The following SLC22A3 variants were observed in gnomAD, a reference collection of about 807,000 sequenced individuals.
SLC22A3 encodes the protein solute carrier family 22 member 3, also known as EMT organic cation transporter 3.
Under a neutral mutation model 59.1 loss-of-function variants are expected in SLC22A3, and 51 were observed. That is an observed-to-expected ratio of 0.86 (90% CI 0.69 to 1.09). SLC22A3 has a LOEUF of 1.09. SLC22A3 is among the 50% of genes least tolerant of loss of function. The pLI, the probability that SLC22A3 is intolerant of heterozygous loss-of-function variation, is 0.00. For synonymous variants in SLC22A3, 325 were observed against 292.0 expected (o/e 1.11, Z -1.15); for missense variants, 711 against 726.3 (o/e 0.98, Z 0.24).
chr6:160,408,970 T>C (rs2114856143), intron 4 of SLC22A3, 49 bp downstream of exon 4: 7 of 1,538,378 alleles, frequency 4.6e-6, no homozygotes, highest in Non-Finnish European at 6.3e-6. Context: ...CTGCAGAAAT[T>C]AGACTCCAAA....
rs1788342460 is a variant in SLC22A3, at chr6:160,436,645, G to A, written c.976-135G>A. ...ATGCAAGAGCAGAAGTGTTTTAATTGTCAGGTTTTAAGATATTATGAAAGC... is the reference window on the plus strand; with the variant it reads ...ATGCAAGAGCAGAAGTGTTTTAATTATCAGGTTTTAAGATATTATGAAAGC... On this transcript the variant is annotated intron_variant, in intron 5 of 10. Coordinates refer to ENST00000275300, the MANE Select transcript of SLC22A3 (RefSeq NM_021977.4). The A allele has an allele frequency of 7.6e-6, 5 of 656,404 alleles. No homozygotes were observed. The East Asian group carries it at 1.4e-4, about 18-fold the overall frequency. 40.7% of individuals were successfully genotyped at this position (656,404 alleles called of 1,614,324 possible).
chr6:160,410,692 C>A, intron 4 of SLC22A3, 37 bp from the exon 5 acceptor site: 1 of 1,329,482 alleles, frequency 7.5e-7, no homozygotes, highest in Non-Finnish European at 1.1e-6. Context: ...GTTTGAAATT[C>A]CTAGACATAA....
chr6:160,450,157 G>A (rs1287776247), intron 10 of SLC22A3, among the ~76,000 whole-genome samples: 1 of 152,180 alleles, frequency 6.6e-6, no homozygotes, highest in East Asian at 1.9e-4. Context: ...TGAGGGTACT[G>A]CAGGAGGCCA....
intron 5 of SLC22A3, among the ~76,000 whole-genome samples, chr6:160,426,844 C>G (rs1253005619): frequency 6.6e-6 from 1 of 152,166 alleles, no homozygotes; most frequent in East Asian, 1.9e-4. Flanking sequence ...CCCTTGGGTC[C>G]TGGTGTGCAG....
chr6:160,444,959 C>A (rs1788686694), intron 9 of SLC22A3, among the ~76,000 whole-genome samples: 1 of 152,202 alleles, frequency 6.6e-6, no homozygotes, highest in Non-Finnish European at 1.5e-5. Context: ...AGTGTTAATT[C>A]TGTGGTCAGC....
At chr6:160,403,752 A>G (rs1786886902) in intron 2 of SLC22A3, among the ~76,000 whole-genome samples, 1 of 140,536 alleles carries the variant, frequency 7.1e-6, no homozygotes, top group South Asian at 2.4e-4. Context: ...AAACTGGTTC[A>G]GCATTCTAAA....
At chr6:160,348,994 A>G (rs1304896869) in intron 1 of SLC22A3, 146 bp downstream of exon 1, 4 of 1,502,098 alleles carry the variant, frequency 2.7e-6, no homozygotes, top group Non-Finnish European at 3.5e-6. Flanking sequence ...GACAGGATTC[A>G]GCGCACCCTT....
At chr6:160,373,579 C>T (rs569563815) in intron 1 of SLC22A3, among the ~76,000 whole-genome samples, 11 of 152,238 alleles carry the variant, frequency 7.2e-5, no homozygotes, top group East Asian at 5.8e-4. Flanking sequence ...CAGGCAGGAA[C>T]GTTTAAGTCT....
At chr6:160,396,974 C>A (rs1020645217) in intron 1 of SLC22A3, among the ~76,000 whole-genome samples, 3 of 151,836 alleles carry the variant, frequency 2.0e-5, no homozygotes, top group African/African-American at 7.3e-5. Flanking sequence ...AATAAGAGCT[C>A]AAAGAGAAAA....
rs199817918 is a variant in SLC22A3, at chr6:160,442,863, C to G, written c.1391C>G (p.Thr464Arg). The G allele has an allele frequency of 1.1e-5, 17 of 1,607,138 alleles. No homozygotes were observed. The highest frequency in any genetic ancestry group is 8.5e-7 in the Non-Finnish European group (1 of 1,173,620). The change falls in exon 8 of 11, where the codon ACA becomes AGA. Residue 464 changes from threonine (T) to arginine (R), a missense_variant. Physicochemically the swap from Thr to Arg is moderately conservative, Grantham distance 71. Transcript: ENST00000275300. ...YLVNSELYPT[T>R]LRNFGVSLCS... ...GTAAATTCAGAATTGTACCCAACAA[C>G]ATTACGGTAATTCTAACAAACGTTA...
intron 5 of SLC22A3, 75 bp from the exon 6 acceptor site, chr6:160,436,705 T>C: frequency 1.1e-6 from 1 of 904,536 alleles, no homozygotes; most frequent in East Asian, 2.5e-5. Context: ...TTGATTCTGG[T>C]TAATGACAAG....
rs375134198 is a variant in SLC22A3 at position 160,353,065 on chromosome 6, C to T, written c.429+4217C>T. 9.8e-4 allele frequency among the ~76,000 whole-genome samples: 149 copies of T among 152,242 alleles called. 2 individuals are homozygous for T. The South Asian group carries it at 0.03, about 30-fold the overall frequency. ...CAGGCGATCTGCTTGCCTAGGCCTCCGAAAGTGCTGGGATTACAGGCATGA... is the reference window on the plus strand; with the variant it reads ...CAGGCGATCTGCTTGCCTAGGCCTCTGAAAGTGCTGGGATTACAGGCATGA... On this transcript the variant is annotated intron_variant, in intron 1 of 10. Coordinates refer to ENST00000275300, the MANE Select transcript of SLC22A3 (RefSeq NM_021977.4).
chr6:160,409,861 T>C (rs1020995537), intron 4 of SLC22A3, among the ~76,000 whole-genome samples: 2 of 152,236 alleles, frequency 1.3e-5, no homozygotes, highest in African/African-American at 4.8e-5. Context: ...TATCTGCCAG[T>C]ATTTCAACAT....
intron 1 of SLC22A3, among the ~76,000 whole-genome samples, chr6:160,374,573 G>T (rs1337720881): frequency 6.6e-6 from 1 of 152,214 alleles, no homozygotes; most frequent in Non-Finnish European, 1.5e-5. Flanking sequence ...ACAGGATCTT[G>T]AATACTTTAA....
rs371941690 is a variant in SLC22A3 at position 160,447,716 on chromosome 6, T to C, written c.1511-3T>C. 8.1e-6 allele frequency: 13 copies of C among 1,613,496 alleles called. No individual in the cohort carries two copies. The highest frequency in any genetic ancestry group is 1.1e-5 in the Non-Finnish European group (13 of 1,179,598). On this transcript the variant is annotated splice_region_variant and splice_polypyrimidine_tract_variant and intron_variant, in intron 9 of 10. Coordinates refer to ENST00000275300, the MANE Select transcript of SLC22A3 (RefSeq NM_021977.4). Reference sequence around the variant, plus strand: ...GCGGTAACACCTTTCCCCTATTCCATAGGTATCCTGGCATCCATCTGTGGT... The same window carrying C: ...GCGGTAACACCTTTCCCCTATTCCACAGGTATCCTGGCATCCATCTGTGGT...
intron 2 of SLC22A3, among the ~76,000 whole-genome samples, chr6:160,406,345 C>T (rs1056966507): frequency 3.9e-5 from 6 of 152,150 alleles, no homozygotes; most frequent in Non-Finnish European, 5.9e-5. Flanking sequence ...ATTTACCAGA[C>T]AATAATTTGA....
At chr6:160,363,904 C>T (rs948394849) in intron 1 of SLC22A3, among the ~76,000 whole-genome samples, 2 of 151,786 alleles carry the variant, frequency 1.3e-5, no homozygotes, top group African/African-American at 4.8e-5. Flanking sequence ...ACCAGCTGTC[C>T]CCACTTGCTG....
At chr6:160,399,740 G>C (rs1786682904) in intron 2 of SLC22A3, among the ~76,000 whole-genome samples, 2 of 152,156 alleles carry the variant, frequency 1.3e-5, no homozygotes, top group South Asian at 4.1e-4. Flanking sequence ...GGGGCTTCTG[G>C]TTTCCTGTTC....
intron 5 of SLC22A3, among the ~76,000 whole-genome samples, chr6:160,428,316 A>C (rs1052609664): frequency 7.9e-5 from 12 of 152,112 alleles, no homozygotes; most frequent in African/African-American, 2.7e-4. Flanking sequence ...TTTCAGGCCA[A>C]CTCAAACTAA....
Sources: gnomAD v4.1 joint callset for allele counts (sites outside exome capture counted in the v4.1 genomes callset) on GRCh38, gnomAD v4.1.1 for gene constraint, MANE v1.5 for transcripts, NCBI Gene and HGNC (gene_info 2026-07-23, HGNC 2026-07-21) for gene names.